The following SGCZ variants were observed in gnomAD, a reference collection of about 807,000 sequenced individuals.
SGCZ encodes the protein zeta-sarcoglycan.
In SGCZ, 40 loss-of-function variants were observed where a neutral mutation model predicts 41.3. That is an observed-to-expected ratio of 0.97 (90% CI 0.75 to 1.26). SGCZ has a LOEUF of 1.26. SGCZ is among the 50% of genes most tolerant of loss of function. The pLI is 0.00. For missense variants in SGCZ, 552 were observed against 369.8 expected (o/e 1.49, Z -4.04); for synonymous variants, 206 against 137.5 (o/e 1.50, Z -3.49).
At chr8:14,988,437 G>T (rs1026749495) in intron 1 of SGCZ, among the ~76,000 whole-genome samples, 2 of 151,790 alleles carry the variant, frequency 1.3e-5, no homozygotes, top group Non-Finnish European at 2.9e-5. Context: ...ATAGAAACTT[G>T]TATTTGCTAG....
At chr8:14,887,315 T>C (rs892494223) in intron 1 of SGCZ, among the ~76,000 whole-genome samples, 2 of 152,200 alleles carry the variant, frequency 1.3e-5, no homozygotes, top group African/African-American at 2.4e-5. Context: ...TCAGTCAACA[T>C]TGACTCCAAT....
chr8:14,601,552 G>T (rs58232618), intron 1 of SGCZ, among the ~76,000 whole-genome samples: 11,474 of 152,166 alleles, frequency 0.075, 525 homozygotes, highest in Middle Eastern at 0.17. Context: ...GACAGGAGCT[G>T]ATTTTCTTCC....
intron 1 of SGCZ, among the ~76,000 whole-genome samples, chr8:14,973,273 T>G (rs895331107): frequency 1.3e-5 from 2 of 152,190 alleles, no homozygotes; most frequent in South Asian, 4.2e-4. Flanking sequence ...TACCCCATCA[T>G]CTCCCAGTCT....
intron 2 of SGCZ, among the ~76,000 whole-genome samples, chr8:14,405,898 G>A (rs1019435596): frequency 6.6e-6 from 1 of 152,112 alleles, no homozygotes; most frequent in African/African-American, 2.4e-5. Flanking sequence ...AGTGGGAGCT[G>A]AGCAGGTATT....
chr8:15,011,487 TA>T (rs987960661), intron 1 of SGCZ, among the ~76,000 whole-genome samples: 4 of 152,184 alleles, frequency 2.6e-5, no homozygotes, highest in Admixed American at 2.6e-4. Context: ...AACATGTTAA[TA>T]AAAATCAAGA....
chr8:14,211,817 G>C (rs530643402), intron 4 of SGCZ, among the ~76,000 whole-genome samples: 4 of 152,156 alleles, frequency 2.6e-5, no homozygotes, highest in African/African-American at 9.6e-5. Context: ...GATTTGGGTG[G>C]GGACACAAAT....
At chr8:14,164,444 C>G in intron 5 of SGCZ, 136 bp downstream of exon 5, 1 of 1,052,290 alleles carries the variant, frequency 9.5e-7, no homozygotes, top group Non-Finnish European at 1.3e-6. Context: ...TTGAAGGCTA[C>G]TTGAAGAACA....
At chr8:14,526,104 G>C (rs140089898) in intron 2 of SGCZ, among the ~76,000 whole-genome samples, 2,030 of 152,130 alleles carry the variant, frequency 0.013, 31 homozygotes, top group Non-Finnish European at 0.016. Context: ...GTGCACAATA[G>C]AGTAGTTCTT....
At chr8:14,765,248 A>G (rs1800003772) in intron 1 of SGCZ, among the ~76,000 whole-genome samples, 1 of 152,338 alleles carries the variant, frequency 6.6e-6, no homozygotes, top group East Asian at 1.9e-4. Context: ...CTAGACTCAT[A>G]AAAGAAGCTG....
chr8:15,110,255 T>A (rs560938726), intron 1 of SGCZ, among the ~76,000 whole-genome samples: 1 of 152,272 alleles, frequency 6.6e-6, no homozygotes, highest in Non-Finnish European at 1.5e-5. Context: ...ACCTCAGAAC[T>A]CCACCATTGC....
intron 3 of SGCZ, among the ~76,000 whole-genome samples, chr8:14,271,086 T>C (rs145496777): frequency 1.4e-3 from 217 of 152,210 alleles, no homozygotes; most frequent in African/African-American, 4.8e-3. Flanking sequence ...TTAGGAGATA[T>C]ACCTAATGTT....
chr8:14,137,260 A>G (rs1803227983), intron 5 of SGCZ, among the ~76,000 whole-genome samples: 1 of 152,260 alleles, frequency 6.6e-6, no homozygotes. Context: ...AAAAAACCAG[A>G]GCACCTCTTC....
intron 1 of SGCZ, among the ~76,000 whole-genome samples, chr8:15,030,178 G>T (rs1431275223): frequency 2.6e-5 from 4 of 152,086 alleles, no homozygotes; most frequent in Non-Finnish European, 4.4e-5. Context: ...TCCCCTTAAA[G>T]GGCGCTGAAA....
intron 2 of SGCZ, among the ~76,000 whole-genome samples, chr8:14,325,727 C>A (rs1270606469): frequency 3.5e-5 from 1 of 28,184 alleles, no homozygotes; most frequent in African/African-American, 9.8e-5. Flanking sequence ...TATACACACA[C>A]ACACACACAC....
chr8:14,670,416 C>T (rs75241040), intron 1 of SGCZ, among the ~76,000 whole-genome samples: 2,502 of 152,080 alleles, frequency 0.016, 30 homozygotes, highest in Non-Finnish European at 0.026. Flanking sequence ...CATTAGTCTC[C>T]CAAATTGGTA....
chr8:15,168,123 G>C (rs80273447), intron 1 of SGCZ, among the ~76,000 whole-genome samples: 2,179 of 152,170 alleles, frequency 0.014, 134 homozygotes, highest in Admixed American at 0.11. Context: ...TTAGCATTTG[G>C]CTTATGTTAA....
chr8:14,423,817 A>G (rs1175281043), intron 2 of SGCZ, among the ~76,000 whole-genome samples: 3 of 151,338 alleles, frequency 2.0e-5, no homozygotes, highest in African/African-American at 7.3e-5. Context: ...TCCCTCTCTC[A>G]TTTACTTTCT....
chr8:14,217,092 C>T (rs546317980), intron 4 of SGCZ, among the ~76,000 whole-genome samples: 20 of 152,148 alleles, frequency 1.3e-4, no homozygotes, highest in Non-Finnish European at 2.5e-4. Context: ...TAGAGACCAT[C>T]CTGCCTAACA....
chr8:14,180,113 G>C (rs1804673240), intron 4 of SGCZ, among the ~76,000 whole-genome samples: 2 of 152,128 alleles, frequency 1.3e-5, no homozygotes, highest in Admixed American at 1.3e-4. Flanking sequence ...CCACCATACA[G>C]TCTTAGAGCA....
Sources: gnomAD v4.1 joint callset for allele counts (sites outside exome capture counted in the v4.1 genomes callset) on GRCh38, gnomAD v4.1.1 for gene constraint, MANE v1.5 for transcripts, NCBI Gene and HGNC (gene_info 2026-07-23, HGNC 2026-07-21) for gene names.